The following WDR83 variants were observed in gnomAD, a reference collection of about 807,000 sequenced individuals.
The protein encoded by WDR83 is WD repeat domain 83, also known as WD repeat domain-containing protein 83.
A neutral mutation model predicts 37.7 loss-of-function variants in WDR83; 37 were observed. The ratio of observed to expected loss-of-function variants is 0.98; its 90% CI spans 0.76 to 1.29. WDR83 has a LOEUF of 1.29. WDR83 is among the 50% of genes most tolerant of loss of function. WDR83 has a pLI of 0.00. For missense variants in WDR83, 445 were observed against 414.4 expected, an observed-to-expected ratio of 1.07 and a Z score of -0.64; for synonymous variants, 174 against 181.1, an observed-to-expected ratio of 0.96 and a Z score of 0.31.
chr19:12,669,377 T>C, intron 2 of WDR83: 3 of 1,601,954 alleles, frequency 1.9e-6, no homozygotes, highest in Non-Finnish European at 2.6e-6. Context: ...TCGGCCTCCG[T>C]GGGTCCGACA....
chr19:12,672,309 C>T, intron 7 of WDR83: 1 of 176,656 alleles, frequency 5.7e-6, no homozygotes, highest in Non-Finnish European at 1.2e-5. Context: ...CTGGAGAATG[C>T]AGGAAAAGGG....
chr19:12,668,327 A>T, intron 1 of WDR83, 181 bp from the exon 2 acceptor site: 1 of 1,595,120 alleles, frequency 6.3e-7, no homozygotes, highest in Non-Finnish European at 8.5e-7. Context: ...GTGGATAGAC[A>T]GGGTCCAAAA....
At position 12,670,784 on chromosome 19, in the gene WDR83, T is replaced by C; in HGVS notation, c.469T>C (p.Ser157Pro). Residue 157 changes from serine to proline, a missense_variant, in exon 7 of 11, where the codon TCC (serine) becomes CCC (proline). Transcript: ENST00000418543. ...QTLDEARDGVSSVKVSDHEIL... is the reference protein window; with the variant it reads ...QTLDEARDGVPSVKVSDHEIL... ...GCTGGATGAGGCCAGAGATGGCGTG[T>C]CCAGTGTGAAGGTGTCAGACCACGA... is the stretch of plus-strand genomic sequence containing the variant. 6.2e-7 allele frequency: 1 copy of C among 1,614,024 alleles called. No individual in the cohort carries two copies. Among genetic ancestry groups the C allele is most frequent in the Non-Finnish European group, 8.5e-7 (1 of 1,179,984 alleles).
chr19:12,669,973 C>T lies in WDR83; in HGVS notation c.104-4C>T, dbSNP rs1002339. Reference sequence around the variant, plus strand: ...CCCAGTAACCCCCGCCTGGTGTTCCCCAGTGGATGGCAATTACTGCCTGAC... The same window carrying T: ...CCCAGTAACCCCCGCCTGGTGTTCCTCAGTGGATGGCAATTACTGCCTGAC... On this transcript the variant is annotated splice_polypyrimidine_tract_variant and splice_region_variant and intron_variant, in intron 3 of 10. Transcript: ENST00000418543. 1 of 1,609,176 alleles carries T rather than the reference C, an allele frequency of 6.2e-7. No individual in the cohort carries two copies. The highest frequency in any genetic ancestry group is 1.3e-5 in the African/African-American group (1 of 74,860).
intron 5 of WDR83, 23 bp downstream of exon 5, chr19:12,670,308 T>G: frequency 1.9e-6 from 3 of 1,609,724 alleles, no homozygotes; most frequent in Non-Finnish European, 2.5e-6. Context: ...CTGGAGACCC[T>G]CATTTGAGTG....
intron 1 of WDR83, chr19:12,668,058 G>A (rs920988120): frequency 2.8e-6 from 1 of 352,772 alleles, no homozygotes; most frequent in Non-Finnish European, 5.4e-6. Context: ...CCACTGAACA[G>A]AAGAGGCTGA....
At chr19:12,673,347 A>G (rs2024478326) in intron 10 of WDR83, 31 bp downstream of exon 10, 1 of 1,538,184 alleles carries the variant, frequency 6.5e-7, no homozygotes, top group Non-Finnish European at 8.9e-7. Context: ...CTTCATACCT[A>G]GATGCCTGCC....
In WDR83 at chr19:12,669,747, C is replaced by A; in HGVS notation, c.-36-8C>A. The A allele has an allele frequency of 6.5e-7, 1 of 1,534,486 alleles. No homozygotes were observed. On this transcript the variant is annotated splice_polypyrimidine_tract_variant and splice_region_variant and intron_variant, in intron 2 of 10. Coordinates refer to ENST00000418543, the MANE Select transcript of WDR83 (RefSeq NM_001099737.3). ...GTGGGTTTCTAAGGCGCGGAATTTTCCGTACAGACCGATTTAAGGCTGCAA... is the reference window on the plus strand; with the variant it reads ...GTGGGTTTCTAAGGCGCGGAATTTTACGTACAGACCGATTTAAGGCTGCAA...
At chr19:12,673,980 C>T (rs1450810796) in intron 10 of WDR83, among the ~76,000 whole-genome samples, 1 of 152,164 alleles carries the variant, frequency 6.6e-6, no homozygotes, top group Non-Finnish European at 1.5e-5. Context: ...GATTACAGGC[C>T]TGAGACACCG....
intron 5 of WDR83, 43 bp from the exon 6 acceptor site, chr19:12,670,520 C>T (rs771589222): frequency 7.4e-6 from 12 of 1,613,988 alleles, no homozygotes; most frequent in Non-Finnish European, 1.0e-5. Flanking sequence ...TTATCCCAGT[C>T]CTCCAAAGTC....
Position 12,672,862 on chromosome 19 carries a change from C to G in WDR83, c.522C>G (p.Arg174=). The G allele has an allele frequency of 6.3e-7, 1 of 1,588,068 alleles. No homozygotes were observed. The highest frequency in any genetic ancestry group is 1.1e-5 in the South Asian group (1 of 87,130). Residue 174 remains arginine, a synonymous_variant, in exon 8 of 11, where the codon CGC becomes CGG. Coordinates refer to ENST00000418543, the MANE Select transcript of WDR83 (RefSeq NM_001099737.3). ...HEILAGSVDG[R]VRRYDLRMGQ... is the part of the protein sequence containing the mutation. ...TCTCCTGCAGCTCCGTGGATGGCCG[C>G]GTGAGACGCTATGACCTAAGGATGG...
At chr19:12,670,475 C>T in intron 5 of WDR83, 88 bp from the exon 6 acceptor site, 2 of 1,596,590 alleles carry the variant, frequency 1.3e-6, no homozygotes, top group East Asian at 4.5e-5. Flanking sequence ...ACCTCCCCTT[C>T]GCCCTTGCTT....
In WDR83 at chr19:12,670,837, AC is replaced by A; in HGVS notation, c.506+18del. 1 of 1,608,062 alleles carries A rather than the reference AC, an allele frequency of 6.2e-7. No individual in the cohort carries two copies. Among genetic ancestry groups the A allele is most frequent in the Non-Finnish European group, 8.5e-7 (1 of 1,177,556 alleles). ...TCCTGGCAGGGTGAGTGGAGCCAGGACCTGGTCTCACCCCAGGTGCTACGGG... is the reference window on the plus strand; with the variant it reads ...TCCTGGCAGGGTGAGTGGAGCCAGGACTGGTCTCACCCCAGGTGCTACGGG... On this transcript the variant is annotated intron_variant, in intron 7 of 10. Coordinates refer to ENST00000418543, the MANE Select transcript of WDR83 (RefSeq NM_001099737.3).
At chr19:12,669,235 T>C in intron 2 of WDR83, 1 of 1,613,900 alleles carries the variant, frequency 6.2e-7, no homozygotes, top group Non-Finnish European at 8.5e-7. Context: ...GGCTTGTACC[T>C]GCGACAGGCT....
rs780103686 is a variant in WDR83 at position 12,670,215 on chromosome 19, G to A, written c.260G>A (p.Gly87Glu). Reference sequence around the variant, plus strand: ...AACAGTAGTCTCTGCTCCGGCGGCGGGGACAAGGCGGTGGTTCTGTGGGAT... The same window carrying A: ...AACAGTAGTCTCTGCTCCGGCGGCGAGGACAAGGCGGTGGTTCTGTGGGAT... ...FDNSSLCSGG[G>E]DKAVVLWDVA... Residue 87 changes from glycine to glutamate, a missense_variant, in exon 5 of 11, where the codon GGG becomes GAG. Transcript: ENST00000418543. 1.2e-6 allele frequency: 2 copies of A among 1,614,154 alleles called. No individual in the cohort carries two copies. Among genetic ancestry groups the A allele is most frequent in the Non-Finnish European group, 1.7e-6 (2 of 1,180,000 alleles).
At chr19:12,671,044 C>G (rs924761905) in intron 7 of WDR83, 1 of 624,726 alleles carries the variant, frequency 1.6e-6, no homozygotes, top group Non-Finnish European at 2.5e-6. Context: ...TAATAATAAT[C>G]TGGCCGGGCA....
chr19:12,670,100 G>A lies in WDR83; in HGVS notation c.224+3G>A. On this transcript the variant is annotated splice_donor_region_variant and intron_variant, in intron 4 of 10. Transcript: ENST00000418543. The stretch of plus-strand genomic sequence containing the variant: ...TACGAGGTGCTGGATGCGGCCGGGT[G>A]AGCCGGGGACCAGGCTGGGATGGGA... The A allele has an allele frequency of 6.2e-7, 1 of 1,609,750 alleles. No individual in the cohort carries two copies. The highest frequency in any genetic ancestry group is 8.5e-7 in the Non-Finnish European group (1 of 1,177,166).
Position 12,666,991 on chromosome 19 carries a change from C to T in WDR83, c.-158C>T. On this transcript the variant is annotated splice_region_variant and 5_prime_UTR_variant, in exon 1 of 11. Transcript: ENST00000418543. ...TCCAAGACGGAATGCCTCTTAATGCCGGTAGGAGCAGAAGTGCTTTTCCTA... is the reference window on the plus strand; with the variant it reads ...TCCAAGACGGAATGCCTCTTAATGCTGGTAGGAGCAGAAGTGCTTTTCCTA... 1 of 518,616 alleles carries T rather than the reference C, an allele frequency of 1.9e-6. No individual in the cohort carries two copies. The highest frequency in any genetic ancestry group is 3.4e-6 in the Non-Finnish European group (1 of 291,212). The allele number at this position is 518,616 out of a possible 1,614,324, so 32.1% of individuals were successfully genotyped here.
Position 12,670,813 on chromosome 19 carries a change from C to G in WDR83, c.498C>G (p.Ile166Met). 1 of 1,613,126 alleles carries G rather than the reference C, an allele frequency of 6.2e-7. No individual in the cohort carries two copies. The highest frequency in any genetic ancestry group is 8.5e-7 in the Non-Finnish European group (1 of 1,179,680). Residue 166 changes from isoleucine to methionine, a missense_variant, in exon 7 of 11, where the codon ATC becomes ATG. Coordinates refer to ENST00000418543, the MANE Select transcript of WDR83 (RefSeq NM_001099737.3). ...VSSVKVSDHE[I>M]LAGSVDGRVR... ...GTGTGAAGGTGTCAGACCACGAGAT[C>G]CTGGCAGGGTGAGTGGAGCCAGGAC...
Sources: gnomAD v4.1 joint callset for allele counts (sites outside exome capture counted in the v4.1 genomes callset) on GRCh38, gnomAD v4.1.1 for gene constraint, MANE v1.5 for transcripts, NCBI Gene and HGNC (gene_info 2026-07-23, HGNC 2026-07-21) for gene names.